Variants in RAPGEF4 observed in about 807,000 individuals in gnomAD.
The protein encoded by RAPGEF4 is Rap guanine nucleotide exchange factor 4.
Under a neutral mutation model 147.9 loss-of-function variants are expected in RAPGEF4, and 66 were observed. That is an observed-to-expected ratio of 0.45 (90% CI 0.37 to 0.55). The LOEUF is 0.55. Ranked by LOEUF, RAPGEF4 falls within the 20% of genes least tolerant of loss-of-function variation. RAPGEF4 has a pLI of 0.00. For synonymous variants in RAPGEF4, 419 were observed against 442.7 expected, an observed-to-expected ratio of 0.95 and a Z score of 0.67; for missense variants, 1,071 against 1,257.3, an observed-to-expected ratio of 0.85 and a Z score of 2.24.
chr2:172,877,775 C>T (rs1189652258), intron 4 of RAPGEF4, among the ~76,000 whole-genome samples: 3 of 152,164 alleles, frequency 2.0e-5, no homozygotes, highest in Non-Finnish European at 4.4e-5. Context: ...TTCATTGCTA[C>T]CCTGATGCCC....
intron 14 of RAPGEF4, among the ~76,000 whole-genome samples, chr2:172,989,262 A>G (rs1692582915): frequency 6.6e-6 from 1 of 151,164 alleles, no homozygotes; most frequent in Non-Finnish European, 1.5e-5. Flanking sequence ...CCTAGTTTCC[A>G]CCTCCTTCTC....
chr2:172,743,691 T>C (rs757332641), intron 1 of RAPGEF4, among the ~76,000 whole-genome samples: 48 of 152,206 alleles, frequency 3.2e-4, no homozygotes, highest in Non-Finnish European at 5.3e-4. Flanking sequence ...CAATGAGACA[T>C]AGCAGAAGTC....
chr2:173,000,878 CAT>C (rs1693846675), intron 16 of RAPGEF4, among the ~76,000 whole-genome samples: 1 of 149,330 alleles, frequency 6.7e-6, no homozygotes, highest in Non-Finnish European at 1.5e-5. Context: ...GTGAAAAAGA[CAT>C]AAAAGAGAAA....
At chr2:173,049,272 G>T (rs80013719) in intron 30 of RAPGEF4, among the ~76,000 whole-genome samples, 6,553 of 152,202 alleles carry the variant, frequency 0.043, 281 homozygotes, top group Admixed American at 0.11. Flanking sequence ...ATTTTAGTCT[G>T]TTGGGAGTTA....
chr2:172,825,842 A>G (rs747275746), intron 4 of RAPGEF4, among the ~76,000 whole-genome samples: 2 of 152,240 alleles, frequency 1.3e-5, no homozygotes, highest in African/African-American at 2.4e-5. Flanking sequence ...ACATGATGTA[A>G]GTAATAATGT....
intron 4 of RAPGEF4, among the ~76,000 whole-genome samples, chr2:172,819,922 G>A (rs986921416): frequency 1.3e-4 from 20 of 152,220 alleles, no homozygotes; most frequent in African/African-American, 4.8e-4. Flanking sequence ...TAAGATTATG[G>A]GTATTTTATG....
intron 3 of RAPGEF4, among the ~76,000 whole-genome samples, chr2:172,804,834 C>T (rs533464971): frequency 6.6e-6 from 1 of 152,306 alleles, no homozygotes; most frequent in South Asian, 2.1e-4. Flanking sequence ...ACAGACATTT[C>T]GATGAGTGCT....
intron 26 of RAPGEF4, among the ~76,000 whole-genome samples, chr2:173,032,241 C>G (rs909142156): frequency 6.6e-5 from 10 of 152,302 alleles, no homozygotes; most frequent in African/African-American, 2.4e-4. Context: ...TCCCTGGCCT[C>G]TCCCCACCAG....
At chr2:172,824,891 A>C (rs1443292955) in intron 4 of RAPGEF4, among the ~76,000 whole-genome samples, 2 of 152,232 alleles carry the variant, frequency 1.3e-5, no homozygotes, top group African/African-American at 4.8e-5. Context: ...CCCAGACTAT[A>C]CTGTAAGAAT....
Position 172,821,591 on chromosome 2 carries a change from T to A in RAPGEF4, c.444+7166T>A, listed in dbSNP as rs368728312. The stretch of plus-strand genomic sequence containing the variant: ...TCTCTCCTCACAGTTCTGATTCTTT[T>A]AAACCAAGCGGAAGCCTGCTTCGAT... On this transcript the variant is annotated intron_variant, in intron 4 of 30. Transcript: ENST00000397081. 5.1e-4 allele frequency: 510 copies of A among 993,370 alleles called. 3 individuals carry two copies. The South Asian group carries it at 0.017, about 33-fold the overall frequency. 61.5% of individuals were successfully genotyped at this position (993,370 alleles called of 1,614,324 possible).
chr2:172,882,754 A>T (rs1006918053), intron 4 of RAPGEF4, among the ~76,000 whole-genome samples: 1 of 152,186 alleles, frequency 6.6e-6, no homozygotes, highest in Admixed American at 6.5e-5. Context: ...CTCAAATGAG[A>T]TAACATGTGA....
intron 6 of RAPGEF4, chr2:172,928,134 C>T (rs1685560106): frequency 4.5e-6 from 2 of 447,486 alleles, no homozygotes; most frequent in Admixed American, 4.9e-5. Context: ...TATTTTGCCC[C>T]ACCTTCTAGA....
intron 10 of RAPGEF4, among the ~76,000 whole-genome samples, chr2:172,968,599 C>T (rs1033013424): frequency 6.6e-6 from 1 of 152,152 alleles, no homozygotes; most frequent in African/African-American, 2.4e-5. Flanking sequence ...CAGCAGATAC[C>T]ATCATCCTTA....
chr2:172,836,007 A>G lies in RAPGEF4; in HGVS notation c.444+21582A>G, dbSNP rs191739254. Among the ~76,000 whole-genome samples, 313 of 152,320 alleles carry G rather than the reference A, an allele frequency of 2.1e-3. 1 individual carries two copies. The highest frequency in any genetic ancestry group is 5.4e-3 in the Admixed American group (82 of 15,300). The stretch of plus-strand genomic sequence containing the variant: ...TTGTTCCTGACTTTGAATGAGGGTG[A>G]TAGTTGTAATTACTCCAGACTTTCT... On this transcript the variant is annotated intron_variant, in intron 4 of 30. Coordinates refer to ENST00000397081, the MANE Select transcript of RAPGEF4 (RefSeq NM_007023.4).
intron 10 of RAPGEF4, among the ~76,000 whole-genome samples, chr2:172,982,581 T>G (rs1294524716): frequency 6.6e-6 from 1 of 152,178 alleles, no homozygotes; most frequent in African/African-American, 2.4e-5. Context: ...ATGAATGATT[T>G]CAAAATAATT....
intron 6 of RAPGEF4, among the ~76,000 whole-genome samples, chr2:172,924,696 G>A (rs969856933): frequency 6.6e-6 from 1 of 152,190 alleles, no homozygotes; most frequent in Non-Finnish European, 1.5e-5. Context: ...TTAAAGTGGT[G>A]TTAATTGAAA....
At position 173,042,426 on chromosome 2, in the gene RAPGEF4, G is replaced by A. The variant is rs188996199; in HGVS notation, c.2853+5734G>A. On this transcript the variant is annotated intron_variant, in intron 29 of 30. Transcript: ENST00000397081. This position sits in a 1 kb window ranked among gnomAD's most constrained non-coding sequence, Gnocchi z 4.2. ...AGGCGGGTGGATCATGGGGTCAGGA[G>A]TTCAAGACCAGCCTGGTAAAACCCC... 6.6e-6 allele frequency among the ~76,000 whole-genome samples: 1 copy of A among 152,260 alleles called. No individual in the cohort carries two copies. Among genetic ancestry groups the A allele is most frequent in the African/African-American group, 2.4e-5 (1 of 41,572 alleles).
At chr2:172,801,663 T>C (rs1686995509) in intron 3 of RAPGEF4, among the ~76,000 whole-genome samples, 1 of 151,552 alleles carries the variant, frequency 6.6e-6, no homozygotes, top group Non-Finnish European at 1.5e-5. Flanking sequence ...ATAAAGCTGC[T>C]GGGTATCTGG....
intron 4 of RAPGEF4, among the ~76,000 whole-genome samples, chr2:172,815,549 A>G (rs1365915609): frequency 2.0e-5 from 3 of 152,250 alleles, no homozygotes; most frequent in Non-Finnish European, 4.4e-5. Context: ...CATGAGGTGT[A>G]TGTGGAGAGA....
Sources: gnomAD v4.1 joint callset for allele counts (sites outside exome capture counted in the v4.1 genomes callset) on GRCh38, gnomAD v4.1.1 for gene constraint, Gnocchi (gnomAD v3.1) non-coding constraint, MANE v1.5 for transcripts, NCBI Gene and HGNC (gene_info 2026-07-23, HGNC 2026-07-21) for gene names.